GRIP1: variants seen among roughly 807,000 people sequenced by gnomAD.
GRIP1 encodes glutamate receptor interacting protein 1.
GRIP1 carries 45 observed loss-of-function variants against 129.9 expected under a neutral mutation model. The observed-to-expected ratio is 0.35, with a 90% CI of 0.27 to 0.44. The LOEUF (loss-of-function observed/expected upper bound fraction) is 0.44. GRIP1 is among the 20% of genes least tolerant of loss of function. The pLI, the probability that GRIP1 is intolerant of heterozygous loss-of-function variation, is 1.00. For synonymous variants in GRIP1, 530 were observed against 520.8 expected (o/e 1.02, Z -0.24); for missense variants, 1,196 against 1,396.8 (o/e 0.86, Z 2.29).
intron 1 of GRIP1, among the ~76,000 whole-genome samples, chr12:66,892,521 A>G (rs2040677812): frequency 6.6e-6 from 1 of 152,204 alleles, no homozygotes; most frequent in Non-Finnish European, 1.5e-5. Flanking sequence ...TGGCATTGGT[A>G]CAATACTTTA....
At chr12:66,762,682 G>A (rs2136677334) in intron 1 of GRIP1, among the ~76,000 whole-genome samples, 2 of 152,222 alleles carry the variant, frequency 1.3e-5, no homozygotes, top group Middle Eastern at 6.8e-3. Context: ...CTTATGCTGG[G>A]AAATCAAAAA....
intron 2 of GRIP1, among the ~76,000 whole-genome samples, chr12:66,574,242 T>C (rs1319699775): frequency 6.6e-6 from 1 of 152,228 alleles, no homozygotes; most frequent in Non-Finnish European, 1.5e-5. Context: ...TTCACTGATA[T>C]TCTTTCCTGT....
chr12:66,524,232 TCAG>T (rs2061138273), intron 5 of GRIP1, among the ~76,000 whole-genome samples: 1 of 152,220 alleles, frequency 6.6e-6, no homozygotes, highest in African/African-American at 2.4e-5. Flanking sequence ...TACATTTTTT[TCAG>T]CACCACACTG....
chr12:66,890,608 T>C (rs1000341081), intron 1 of GRIP1, among the ~76,000 whole-genome samples: 1 of 152,142 alleles, frequency 6.6e-6, no homozygotes, highest in Non-Finnish European at 1.5e-5. Context: ...TAAATACTAT[T>C]CTCTGCTCAG....
rs780703974 is a variant in GRIP1 at position 66,376,998 on chromosome 12, A to C, written c.2778+19T>G. ...AAGGCAGCTTCACAAGCAAAAATAT[A>C]AACATAAAGGGTAGCTACCAAGAGA... On this transcript the variant is annotated intron_variant, in intron 22 of 24. Coordinates refer to ENST00000359742, the MANE Select transcript of GRIP1 (RefSeq NM_001366722.1). 1 of 1,588,248 alleles carries C rather than the reference A, an allele frequency of 6.3e-7. No individual in the cohort carries two copies. Among genetic ancestry groups the C allele is most frequent in the African/African-American group, 1.3e-5 (1 of 74,440 alleles).
intron 1 of GRIP1, among the ~76,000 whole-genome samples, chr12:66,974,036 G>T (rs2042116469): frequency 6.7e-6 from 1 of 149,206 alleles, no homozygotes; most frequent in Non-Finnish European, 1.5e-5. Flanking sequence ...CATTCTGCCT[G>T]CCCTAGCCTC....
chr12:66,542,162 G>A (rs1392822397), intron 2 of GRIP1, among the ~76,000 whole-genome samples: 1 of 133,812 alleles, frequency 7.5e-6, no homozygotes, highest in Non-Finnish European at 1.6e-5. Flanking sequence ...GGGCACTGGT[G>A]GGGTATTCAC....
intron 1 of GRIP1, among the ~76,000 whole-genome samples, chr12:66,775,270 ACAAT>A (rs1344281581): frequency 6.6e-6 from 1 of 152,202 alleles, no homozygotes; most frequent in African/African-American, 2.4e-5. Context: ...GGGGGTTGGG[ACAAT>A]TAAGAATTTC....
intron 1 of GRIP1, among the ~76,000 whole-genome samples, chr12:66,976,590 C>G (rs972860915): frequency 6.6e-6 from 1 of 152,070 alleles, no homozygotes; most frequent in Non-Finnish European, 1.5e-5. Context: ...TATCATATCA[C>G]CTGGCAAAGA....
chr12:66,989,617 T>C (rs1047595282), intron 1 of GRIP1, among the ~76,000 whole-genome samples: 4 of 152,218 alleles, frequency 2.6e-5, no homozygotes, highest in Non-Finnish European at 5.9e-5. Flanking sequence ...TTTATTTCAC[T>C]CATAGAGACT....
intron 1 of GRIP1, among the ~76,000 whole-genome samples, chr12:66,872,733 CAG>C (rs1326362889): frequency 1.3e-5 from 2 of 152,008 alleles, no homozygotes; most frequent in Non-Finnish European, 2.9e-5. Flanking sequence ...AGGCTTTGTT[CAG>C]GCCTTTGGAG....
chr12:66,903,737 TC>T (rs1214374885), intron 1 of GRIP1, among the ~76,000 whole-genome samples: 3 of 152,178 alleles, frequency 2.0e-5, no homozygotes, highest in African/African-American at 7.2e-5. Context: ...TATTGTTCTT[TC>T]CCAAAATGAT....
rs890238048 is a variant in GRIP1, at chr12:66,489,994, G to A, written c.725-24572C>T. 2.6e-5 allele frequency among the ~76,000 whole-genome samples: 4 copies of A among 151,976 alleles called. No individual in the cohort carries two copies. In the South Asian group the frequency reaches 6.2e-4, roughly 24 times the overall value. Reference sequence around the variant, plus strand: ...GAAATCAGAGAGGACATAAACAAATGAAAAAACATTCCATGTCCATGGATA... The same window carrying A: ...GAAATCAGAGAGGACATAAACAAATAAAAAAACATTCCATGTCCATGGATA... On this transcript the variant is annotated intron_variant, in intron 7 of 24. Coordinates refer to ENST00000359742, the MANE Select transcript of GRIP1 (RefSeq NM_001366722.1).
chr12:66,950,598 G>A (rs10878537), intron 1 of GRIP1, among the ~76,000 whole-genome samples: 60,860 of 151,894 alleles, frequency 0.4, 13,183 homozygotes, highest in African/African-American at 0.57. Flanking sequence ...ATCAGAAGAT[G>A]ACAGAATAGA....
At position 66,411,764 on chromosome 12, in the gene GRIP1, T is replaced by G. The variant is rs534985789; in HGVS notation, c.1839-5336A>C. ...ACATTACAGGAGCTGATGACCAGAA[T>G]AGCCAGTTTAGTGACAAACATAAAT... On this transcript the variant is annotated intron_variant, in intron 15 of 24. Coordinates refer to ENST00000359742, the MANE Select transcript of GRIP1 (RefSeq NM_001366722.1). Among the ~76,000 whole-genome samples, 3 of 152,290 alleles carry G rather than the reference T, an allele frequency of 2.0e-5. No individual in the cohort carries two copies. In the South Asian group the frequency reaches 6.2e-4, roughly 32 times the overall value.
chr12:66,521,271 T>C lies in GRIP1; in HGVS notation c.503-3295A>G, dbSNP rs558510360. Among the ~76,000 whole-genome samples, 9 of 152,366 alleles carry C rather than the reference T, an allele frequency of 5.9e-5. No individual in the cohort carries two copies. In the South Asian group the frequency reaches 1.9e-3, roughly 32 times the overall value. Reference sequence around the variant, plus strand: ...TGACATGTGCTTAATAAACATTTGATTGATTGATTTGTTAAGTGACTGGCA... The same window carrying C: ...TGACATGTGCTTAATAAACATTTGACTGATTGATTTGTTAAGTGACTGGCA... On this transcript the variant is annotated intron_variant, in intron 5 of 24. Transcript: ENST00000359742.
chr12:66,509,293 T>G (rs2060625070), intron 7 of GRIP1, among the ~76,000 whole-genome samples: 1 of 152,174 alleles, frequency 6.6e-6, no homozygotes, highest in African/African-American at 2.4e-5. Flanking sequence ...CACTAACAGT[T>G]TGGTTAAGGC....
intron 1 of GRIP1, among the ~76,000 whole-genome samples, chr12:66,652,397 G>A (rs2032863343): frequency 1.3e-5 from 2 of 152,164 alleles, no homozygotes; most frequent in Non-Finnish European, 2.9e-5. Context: ...TGCCATGATT[G>A]TAAGTTTCCT....
intron 1 of GRIP1, among the ~76,000 whole-genome samples, chr12:66,978,205 ACT>A (rs34483609): frequency 0.15 from 23,351 of 151,964 alleles, 1,887 homozygotes; most frequent in Admixed American, 0.18. Flanking sequence ...TAATAAATAG[ACT>A]CAACTCTGGG....
Sources: allele counts gnomAD v4.1 joint callset (sites outside exome capture counted in the v4.1 genomes callset), GRCh38; gene constraint gnomAD v4.1.1; transcripts MANE v1.5; gene names NCBI Gene and HGNC (gene_info 2026-07-23, HGNC 2026-07-21).